MAML3: variants seen among roughly 807,000 people sequenced by gnomAD.
The protein encoded by MAML3 is mastermind like transcriptional coactivator 3, also known as mastermind-like protein 3.
A neutral mutation model predicts 101.9 loss-of-function variants in MAML3; 27 were observed. That is an observed-to-expected ratio of 0.27 (90% confidence interval 0.20 to 0.37). The LOEUF is 0.37. MAML3 is among the 10% of genes least tolerant of loss of function. The pLI is 1.00. For synonymous variants in MAML3, 501 were observed against 555.9 expected, an observed-to-expected ratio of 0.90 and a Z score of 1.39; for missense variants, 1,316 against 1,444.9, an observed-to-expected ratio of 0.91 and a Z score of 1.45.
rs182442814 is a variant in MAML3 at position 139,905,470 on chromosome 4, C to T, written c.469-14503G>A. 2.1e-3 allele frequency among the ~76,000 whole-genome samples: 239 copies of T among 113,116 alleles called. 1 individual carries two copies. Among genetic ancestry groups the T allele is most frequent in the African/African-American group, 6.8e-3 (212 of 31,120 alleles). The allele number at this position is 113,116 out of a possible 152,430, so 74.2% of individuals were successfully genotyped here. A position where few individuals can be genotyped will look rare whatever the true frequency, so the allele number is the denominator to read the frequency against. ...TCATGCCATTGCACTCCAGCCCGGG[C>T]GGCAGAGCAAGACTCTGTCTCAAAA... On this transcript the variant is annotated intron_variant, in intron 1 of 4. Transcript: ENST00000509479.
At chr4:139,858,084 G>A (rs1035305964) in intron 2 of MAML3, among the ~76,000 whole-genome samples, 16 of 152,166 alleles carry the variant, frequency 1.1e-4, no homozygotes, top group Admixed American at 1.3e-4. Context: ...TGTGACAGGC[G>A]AGACAAGCAC....
intron 1 of MAML3, among the ~76,000 whole-genome samples, chr4:139,994,465 G>A (rs917264398): frequency 4.6e-5 from 7 of 152,152 alleles, no homozygotes; most frequent in African/African-American, 1.4e-4. Context: ...AGGAGGTTGA[G>A]ACCAGGCTGG....
At chr4:140,053,485 C>T (rs1023301380) in intron 1 of MAML3, among the ~76,000 whole-genome samples, 2 of 152,186 alleles carry the variant, frequency 1.3e-5, no homozygotes, top group East Asian at 1.9e-4. Flanking sequence ...TCTGGGCCAT[C>T]GGGCTTTGAG....
chr4:139,813,664 G>A (rs896986139), intron 2 of MAML3, among the ~76,000 whole-genome samples: 2 of 152,130 alleles, frequency 1.3e-5, no homozygotes, highest in African/African-American at 4.8e-5. Context: ...CCACTGAAAT[G>A]GGGACTAAAC....
chr4:139,759,275 C>T (rs1365003785), intron 2 of MAML3, among the ~76,000 whole-genome samples: 2 of 152,192 alleles, frequency 1.3e-5, no homozygotes, highest in Non-Finnish European at 2.9e-5. Flanking sequence ...AAATAACATC[C>T]AGAGGGATGG....
chr4:140,096,898 AT>A (rs79698582), intron 1 of MAML3, among the ~76,000 whole-genome samples: 2 of 151,646 alleles, frequency 1.3e-5, no homozygotes, highest in African/African-American at 4.9e-5. Context: ...TATCAAGGTG[AT>A]TTTTTTTAAG....
At chr4:140,124,157 A>C (rs576707220) in intron 1 of MAML3, among the ~76,000 whole-genome samples, 154 of 152,322 alleles carry the variant, frequency 1.0e-3, no homozygotes, top group Middle Eastern at 6.8e-3. Flanking sequence ...CGTTTTTAAC[A>C]ATCACACGTT....
At chr4:139,860,668 C>G (rs1207998619) in intron 2 of MAML3, among the ~76,000 whole-genome samples, 1 of 152,152 alleles carries the variant, frequency 6.6e-6, no homozygotes, top group Non-Finnish European at 1.5e-5. Context: ...TTAGGCTGTG[C>G]GCACACAATA....
intron 2 of MAML3, among the ~76,000 whole-genome samples, chr4:139,819,802 A>G (rs1389816252): frequency 6.6e-6 from 1 of 152,202 alleles, no homozygotes; most frequent in Non-Finnish European, 1.5e-5. Context: ...TTAACTGACC[A>G]TGAGTGTTGA....
At chr4:139,771,288 C>A (rs1227387622) in intron 2 of MAML3, among the ~76,000 whole-genome samples, 1 of 152,202 alleles carries the variant, frequency 6.6e-6, no homozygotes, top group Non-Finnish European at 1.5e-5. Flanking sequence ...TAGAACTTTC[C>A]TAAGACTGAG....
intron 2 of MAML3, among the ~76,000 whole-genome samples, chr4:139,817,223 AATGGATGG>A (rs914187914): frequency 1.3e-5 from 2 of 152,350 alleles, no homozygotes; most frequent in South Asian, 2.1e-4. Flanking sequence ...AGGTAGAGTG[AATGGATGG>A]ATGGATGGAT....
chr4:139,950,224 TAG>T (rs992054970), intron 1 of MAML3, among the ~76,000 whole-genome samples: 178 of 152,228 alleles, frequency 1.2e-3, no homozygotes, highest in African/African-American at 4.3e-3. Flanking sequence ...GTATTTTTAG[TAG>T]AGACGGGGTT....
At chr4:140,057,428 G>T (rs1727368160) in intron 1 of MAML3, among the ~76,000 whole-genome samples, 1 of 152,026 alleles carries the variant, frequency 6.6e-6, no homozygotes, top group African/African-American at 2.4e-5. Flanking sequence ...ACAGCCCCTT[G>T]GTCAGCAAAA....
intron 1 of MAML3, among the ~76,000 whole-genome samples, chr4:139,910,324 T>C (rs552775814): frequency 3.1e-4 from 47 of 152,284 alleles, no homozygotes; most frequent in African/African-American, 1.1e-3. Flanking sequence ...CTGTGATGAG[T>C]AGAATCCTTG....
intron 1 of MAML3, among the ~76,000 whole-genome samples, chr4:140,083,853 G>A (rs535329201): frequency 2.6e-5 from 4 of 151,196 alleles, no homozygotes; most frequent in East Asian, 3.9e-4. Context: ...CCTTAAGTTC[G>A]CCCCAACACA....
chr4:140,018,155 A>T (rs879557005), intron 1 of MAML3, among the ~76,000 whole-genome samples: 4 of 152,180 alleles, frequency 2.6e-5, no homozygotes, highest in Non-Finnish European at 5.9e-5. Context: ...TTAATTTGAG[A>T]ACTACTCAGA....
chr4:139,814,893 T>C (rs1391023526), intron 2 of MAML3, among the ~76,000 whole-genome samples: 1 of 152,212 alleles, frequency 6.6e-6, no homozygotes, highest in Non-Finnish European at 1.5e-5. Context: ...AAGGGAATTT[T>C]CTACAGAGAG....
At chr4:139,950,588 T>C (rs570098163) in intron 1 of MAML3, among the ~76,000 whole-genome samples, 3 of 152,176 alleles carry the variant, frequency 2.0e-5, no homozygotes, top group Non-Finnish European at 4.4e-5. Context: ...GTAGTTCTTA[T>C]AAGAAAAGAT....
chr4:139,925,646 C>T (rs1348284730), intron 1 of MAML3, among the ~76,000 whole-genome samples: 5 of 152,184 alleles, frequency 3.3e-5, no homozygotes, highest in Non-Finnish European at 4.4e-5. Context: ...AGTGTGCCAC[C>T]TTCACCCTCA....
Sources: gnomAD v4.1 joint callset for allele counts (sites outside exome capture counted in the v4.1 genomes callset) on GRCh38, gnomAD v4.1.1 for gene constraint, MANE v1.5 for transcripts, NCBI Gene and HGNC (gene_info 2026-07-23, HGNC 2026-07-21) for gene names.